Variants in RALYL observed in about 807,000 individuals in gnomAD.
RALYL encodes RALY RNA binding protein like.
Under a neutral mutation model 35.1 loss-of-function variants are expected in RALYL, and 29 were observed. The ratio of observed to expected loss-of-function variants is 0.83; its 90% CI spans 0.61 to 1.13. RALYL has a LOEUF of 1.13. Ranked by LOEUF, RALYL falls within the 50% of genes most tolerant of loss-of-function variation. RALYL has a pLI of 0.00. For synonymous variants in RALYL, 120 were observed against 127.6 expected (o/e 0.94, Z 0.40); for missense variants, 359 against 360.4 (o/e 1.00, Z 0.03).
intron 4 of RALYL, among the ~76,000 whole-genome samples, chr8:84,817,954 G>C (rs543612061): frequency 8.5e-5 from 13 of 152,270 alleles, no homozygotes; most frequent in African/African-American, 3.1e-4. Flanking sequence ...ATTCTTTGCA[G>C]CAATTAAGTT....
At chr8:84,880,239 C>T (rs1335983535) in intron 7 of RALYL, among the ~76,000 whole-genome samples, 1 of 151,956 alleles carries the variant, frequency 6.6e-6, no homozygotes, top group East Asian at 1.9e-4. Context: ...CTCAAATGGG[C>T]AGAGAAAGAA....
At chr8:84,686,617 C>G (rs1836855974) in intron 2 of RALYL, among the ~76,000 whole-genome samples, 1 of 152,126 alleles carries the variant, frequency 6.6e-6, no homozygotes, top group South Asian at 2.1e-4. Flanking sequence ...GTTGGCCAGG[C>G]TGGTCTCAAA....
At chr8:84,253,391 G>C (rs1830614174) in intron 1 of RALYL, among the ~76,000 whole-genome samples, 1 of 148,454 alleles carries the variant, frequency 6.7e-6, no homozygotes, top group Non-Finnish European at 1.5e-5. Flanking sequence ...TAGTAGAGAT[G>C]GGTTTTCACC....
intron 1 of RALYL, among the ~76,000 whole-genome samples, chr8:84,498,202 G>A (rs76969080): frequency 5.9e-4 from 89 of 152,048 alleles, no homozygotes; most frequent in Non-Finnish European, 1.0e-3. Context: ...ATAATACACA[G>A]ATGTATAAAT....
At chr8:84,518,230 C>G (rs531862435) in intron 1 of RALYL, among the ~76,000 whole-genome samples, 1 of 152,060 alleles carries the variant, frequency 6.6e-6, no homozygotes, top group African/African-American at 2.4e-5. Flanking sequence ...TTAACCTTGA[C>G]TAAGCTTAAA....
chr8:84,220,225 T>C (rs956970886), intron 1 of RALYL, among the ~76,000 whole-genome samples: 2 of 152,118 alleles, frequency 1.3e-5, no homozygotes, highest in Non-Finnish European at 1.5e-5. Context: ...AATTATGGGA[T>C]CTTAAGTTCT....
intron 2 of RALYL, among the ~76,000 whole-genome samples, chr8:84,688,913 A>G (rs1190619347): frequency 6.6e-6 from 1 of 152,126 alleles, no homozygotes; most frequent in Non-Finnish European, 1.5e-5. Flanking sequence ...AGGGATGTCG[A>G]AAGAATTTCT....
chr8:84,463,925 C>G (rs2051152876), intron 1 of RALYL, among the ~76,000 whole-genome samples: 2 of 151,946 alleles, frequency 1.3e-5, no homozygotes, highest in South Asian at 2.1e-4. Flanking sequence ...AACCACTGGT[C>G]TGCTTTGTAT....
At chr8:84,797,153 G>A (rs566275591) in intron 3 of RALYL, among the ~76,000 whole-genome samples, 6 of 152,294 alleles carry the variant, frequency 3.9e-5, no homozygotes, top group African/African-American at 1.4e-4. Flanking sequence ...ATAATATGGT[G>A]GAAAGCATCA....
At chr8:84,275,466 T>A (rs569381334) in intron 1 of RALYL, among the ~76,000 whole-genome samples, 25 of 150,918 alleles carry the variant, frequency 1.7e-4, no homozygotes, top group African/African-American at 5.8e-4. Flanking sequence ...TACAGCATGA[T>A]GTTTTGAAAT....
chr8:84,302,708 G>A (rs571367534), intron 1 of RALYL, among the ~76,000 whole-genome samples: 30 of 152,132 alleles, frequency 2.0e-4, no homozygotes, highest in Non-Finnish European at 4.0e-4. Context: ...TACCTGCGCA[G>A]CATTTTGGAA....
intron 1 of RALYL, among the ~76,000 whole-genome samples, chr8:84,422,359 A>T (rs1466932849): frequency 7.9e-6 from 1 of 126,944 alleles, no homozygotes; most frequent in African/African-American, 3.3e-5. Context: ...GTATTCTCTG[A>T]TGGTAGTTTG....
intron 2 of RALYL, among the ~76,000 whole-genome samples, chr8:84,572,263 T>A (rs1808192354): frequency 6.6e-6 from 1 of 151,778 alleles, no homozygotes; most frequent in African/African-American, 2.4e-5. Context: ...TTCCACTCTA[T>A]CTTCTAAATA....
chr8:84,424,102 G>A (rs1320780081), intron 1 of RALYL, among the ~76,000 whole-genome samples: 1 of 151,856 alleles, frequency 6.6e-6, no homozygotes, highest in Non-Finnish European at 1.5e-5. Context: ...GGCCTGCCTT[G>A]CTAGATTGGG....
intron 1 of RALYL, among the ~76,000 whole-genome samples, chr8:84,343,328 C>T (rs930580639): frequency 3.3e-5 from 5 of 152,024 alleles, no homozygotes; most frequent in Admixed American, 2.6e-4. Context: ...CTTTGAATAT[C>T]GGATACATCC....
chr8:84,824,439 A>C (rs1829213444), intron 4 of RALYL, among the ~76,000 whole-genome samples: 1 of 151,962 alleles, frequency 6.6e-6, no homozygotes, highest in African/African-American at 2.4e-5. Flanking sequence ...CAGACTGCCC[A>C]AAGCAACCTA....
chr8:84,422,723 C>T (rs1401656270), intron 1 of RALYL, among the ~76,000 whole-genome samples: 1,405 of 124,906 alleles, frequency 0.011, 8 homozygotes, highest in African/African-American at 0.029. Context: ...GCTTTGAATG[C>T]GTCCCAGAGA....
intron 2 of RALYL, among the ~76,000 whole-genome samples, chr8:84,580,059 T>C (rs1276415672): frequency 1.3e-5 from 2 of 152,230 alleles, no homozygotes; most frequent in African/African-American, 2.4e-5. Context: ...TGGAACTGTC[T>C]TCAAACACTT....
intron 1 of RALYL, among the ~76,000 whole-genome samples, chr8:84,495,775 C>A (rs904521899): frequency 6.6e-6 from 1 of 152,012 alleles, no homozygotes; most frequent in Non-Finnish European, 1.5e-5. Flanking sequence ...TAACCTTTGA[C>A]GCTTTTTCAG....
Sources: gnomAD v4.1 joint callset for allele counts (sites outside exome capture counted in the v4.1 genomes callset) on GRCh38, gnomAD v4.1.1 for gene constraint, MANE v1.5 for transcripts, NCBI Gene and HGNC (gene_info 2026-07-23, HGNC 2026-07-21) for gene names.